Variants in EXOG observed in about 807,000 individuals in gnomAD.
EXOG encodes the protein exo/endonuclease G, also known as nuclease EXOG, mitochondrial.
In EXOG, 27 loss-of-function variants were observed where a neutral mutation model predicts 25.8. That is an observed-to-expected ratio of 1.05 (90% CI 0.77 to 1.45). EXOG has a LOEUF of 1.45. Ranked by LOEUF, EXOG falls within the 40% of genes most tolerant of loss-of-function variation. The pLI is 0.00. For synonymous variants in EXOG, 133 were observed against 167.0 expected, an observed-to-expected ratio of 0.80 and a Z score of 1.57; for missense variants, 458 against 450.5, an observed-to-expected ratio of 1.02 and a Z score of -0.15.
chr3:38,496,714 C>A, intron 1 of EXOG, 184 bp downstream of exon 1: 2 of 1,442,298 alleles, frequency 1.4e-6, no homozygotes, highest in East Asian at 2.6e-5. Flanking sequence ...GTCTCGCCAG[C>A]TTCCCTCATG....
intron 5 of EXOG, among the ~76,000 whole-genome samples, chr3:38,520,891 C>T (rs913874366): frequency 2.0e-5 from 3 of 152,192 alleles, no homozygotes; most frequent in Admixed American, 6.5e-5. Context: ...GACCAGGTCT[C>T]TGGGCTTCCA....
chr3:38,509,510 T>C (rs1039974849), intron 5 of EXOG, among the ~76,000 whole-genome samples: 1 of 152,216 alleles, frequency 6.6e-6, no homozygotes, highest in African/African-American at 2.4e-5. Flanking sequence ...AGAATTGGTA[T>C]GTCATTAGCA....
At position 38,507,631 on chromosome 3, in the gene EXOG, T is replaced by C. The variant is rs113350438; in HGVS notation, c.645+663T>C. Among the ~76,000 whole-genome samples, 1,003 of 152,206 alleles carry C rather than the reference T, an allele frequency of 6.6e-3. 9 individuals are homozygous for C. Among genetic ancestry groups the C allele is most frequent in the African/African-American group, 0.021 (887 of 41,514 alleles). ...ATTTGTTTTAAGCGTGGGAGAAATA[T>C]GATATTTGGGTTTTATAAAGAGTAT... On this transcript the variant is annotated intron_variant, in intron 5 of 5. Coordinates refer to ENST00000287675, the MANE Select transcript of EXOG (RefSeq NM_005107.4).
In EXOG at chr3:38,524,611, A is replaced by C; in HGVS notation, c.*249A>C. On this transcript the variant is annotated 3_prime_UTR_variant, in exon 6 of 6. Transcript: ENST00000287675. ...GCTGGGACTACAGGCACACACCATC[A>C]CCCTCAGCTACTAGTGGCTTTGCTT... The C allele has an allele frequency of 8.6e-7, 1 of 1,168,000 alleles. No homozygotes were observed. Among genetic ancestry groups the C allele is most frequent in the Non-Finnish European group, 1.1e-6 (1 of 947,068 alleles). 72.4% of individuals were successfully genotyped at this position (1,168,000 alleles called of 1,614,324 possible).
Position 38,524,881 on chromosome 3 carries a change from C to T in EXOG, c.*519C>T. 1 of 986,186 alleles carries T rather than the reference C, an allele frequency of 1.0e-6. No individual in the cohort carries two copies. The highest frequency in any genetic ancestry group is 1.2e-6 in the Non-Finnish European group (1 of 830,602). 61.1% of individuals were successfully genotyped at this position (986,186 alleles called of 1,614,324 possible). ...ATTTGTTTAGTTTCATGCCTCCAAA[C>T]CATGCATTGTCTGTGATGTATCTGC... On this transcript the variant is annotated 3_prime_UTR_variant, in exon 6 of 6. Transcript: ENST00000287675.
At chr3:38,504,073 C>G (rs1271709999) in intron 4 of EXOG, among the ~76,000 whole-genome samples, 1 of 152,168 alleles carries the variant, frequency 6.6e-6, no homozygotes, top group African/African-American at 2.4e-5. Flanking sequence ...ATTTCAAGAG[C>G]TCCTGAGCTT....
At chr3:38,518,751 A>T (rs1399852392) in intron 5 of EXOG, among the ~76,000 whole-genome samples, 1 of 152,202 alleles carries the variant, frequency 6.6e-6, no homozygotes, top group Non-Finnish European at 1.5e-5. Context: ...GGCAGTATGT[A>T]AGTAGCTTTA....
intron 4 of EXOG, among the ~76,000 whole-genome samples, chr3:38,504,648 C>T (rs781256768): frequency 1.6e-4 from 25 of 152,138 alleles, no homozygotes; most frequent in Non-Finnish European, 2.6e-4. Flanking sequence ...GTTGGCCAGG[C>T]TAGTCTTGAA....
chr3:38,497,552 A>G, intron 1 of EXOG, 77 bp from the exon 2 acceptor site: 3 of 1,481,384 alleles, frequency 2.0e-6, no homozygotes, highest in Non-Finnish European at 2.7e-6. Context: ...ATAATCTTTC[A>G]TTATTAAGAG....
intron 4 of EXOG, among the ~76,000 whole-genome samples, chr3:38,505,270 T>C (rs2060168740): frequency 6.6e-6 from 1 of 152,100 alleles, no homozygotes; most frequent in Non-Finnish European, 1.5e-5. Flanking sequence ...AGATTTTCCT[T>C]TCTTTTTTTT....
chr3:38,506,414 T>C (rs991282135), intron 4 of EXOG, among the ~76,000 whole-genome samples: 2 of 152,236 alleles, frequency 1.3e-5, no homozygotes, highest in African/African-American at 4.8e-5. Flanking sequence ...ATTCTGGTCC[T>C]TGAAATTTAT....
chr3:38,497,527 G>A (rs1326021077), intron 1 of EXOG, 102 bp from the exon 2 acceptor site: 84 of 1,418,984 alleles, frequency 5.9e-5, no homozygotes, highest in Non-Finnish European at 7.5e-5. Context: ...AAATCACACC[G>A]CTCTCCTTTT....
intron 5 of EXOG, among the ~76,000 whole-genome samples, chr3:38,508,372 CA>C (rs1270278554): frequency 3.3e-5 from 5 of 152,132 alleles, no homozygotes; most frequent in African/African-American, 1.2e-4. Context: ...TGGCAATTTA[CA>C]AAGTGGTATA....
chr3:38,511,857 C>T (rs1446220617), intron 5 of EXOG, among the ~76,000 whole-genome samples: 1 of 152,152 alleles, frequency 6.6e-6, no homozygotes, highest in Non-Finnish European at 1.5e-5. Flanking sequence ...CTAGTATCAT[C>T]GTTAGCTTGG....
intron 5 of EXOG, among the ~76,000 whole-genome samples, chr3:38,508,137 AAT>A (rs1273103460): frequency 6.6e-6 from 1 of 152,168 alleles, no homozygotes; most frequent in Non-Finnish European, 1.5e-5. Context: ...CCTCGAAAAA[AAT>A]AAAAATAAAA....
At chr3:38,496,615 G>C (rs2059896656) in intron 1 of EXOG, 85 bp downstream of exon 1, 5 of 1,529,724 alleles carry the variant, frequency 3.3e-6, no homozygotes, top group Non-Finnish European at 4.4e-6. Context: ...AGTCCTTGAC[G>C]GACAGCCTTC....
intron 4 of EXOG, among the ~76,000 whole-genome samples, chr3:38,504,592 C>T (rs2060145602): frequency 6.6e-6 from 1 of 152,000 alleles, no homozygotes; most frequent in Non-Finnish European, 1.5e-5. Context: ...CACGCCACCA[C>T]ACCCGGCTAA....
chr3:38,503,470 T>C (rs2060107585), intron 3 of EXOG, 145 bp from the exon 4 acceptor site: 1 of 520,564 alleles, frequency 1.9e-6, no homozygotes, highest in South Asian at 3.0e-5. Context: ...GGAATAATTA[T>C]GGCTTTCATT....
At chr3:38,521,863 T>C (rs2060725895) in intron 5 of EXOG, among the ~76,000 whole-genome samples, 1 of 152,148 alleles carries the variant, frequency 6.6e-6, no homozygotes, top group Non-Finnish European at 1.5e-5. Flanking sequence ...TTAAAGCATA[T>C]TCTTTTCTGT....
Sources: allele counts gnomAD v4.1 joint callset (sites outside exome capture counted in the v4.1 genomes callset), GRCh38; gene constraint gnomAD v4.1.1; transcripts MANE v1.5; gene names NCBI Gene and HGNC (gene_info 2026-07-23, HGNC 2026-07-21).